KLHL7: variants seen among roughly 807,000 people sequenced by gnomAD.
KLHL7 encodes the protein kelch like family member 7.
A neutral mutation model predicts 67.4 loss-of-function variants in KLHL7; 44 were observed. The ratio of observed to expected loss-of-function variants is 0.65; its 90% confidence interval spans 0.51 to 0.84. The LOEUF is 0.84. Among genes scored for constraint, KLHL7 ranks in the 40% least tolerant of loss-of-function variants. The pLI is 0.00. For synonymous variants in KLHL7, 252 were observed against 243.3 expected (o/e 1.04, Z -0.33); for missense variants, 362 against 718.1 (o/e 0.50, Z 5.67).
chr7:23,149,155 A>C (rs1414870128), intron 6 of KLHL7, among the ~76,000 whole-genome samples: 1 of 152,252 alleles, frequency 6.6e-6, no homozygotes, highest in Non-Finnish European at 1.5e-5. Context: ...AAGCCACCAC[A>C]AAGGGCCAGG....
At chr7:23,172,203 G>C in intron 9 of KLHL7, 1 of 456,164 alleles carries the variant, frequency 2.2e-6, no homozygotes, top group South Asian at 1.6e-5. Context: ...GTATGCAGAA[G>C]AATGTATTAA....
At chr7:23,163,763 C>A (rs886418796) in intron 7 of KLHL7, among the ~76,000 whole-genome samples, 8 of 152,156 alleles carry the variant, frequency 5.3e-5, no homozygotes, top group African/African-American at 9.7e-5. Context: ...AGAGATATAT[C>A]AAAATTTAAG....
chr7:23,142,606 T>C (rs1191047928), intron 5 of KLHL7, among the ~76,000 whole-genome samples: 2 of 152,188 alleles, frequency 1.3e-5, no homozygotes, highest in Non-Finnish European at 2.9e-5. Flanking sequence ...GTCATGTTGA[T>C]AGTATGCACA....
intron 7 of KLHL7, among the ~76,000 whole-genome samples, chr7:23,161,914 C>T (rs1784864302): frequency 6.6e-6 from 1 of 152,200 alleles, no homozygotes; most frequent in Non-Finnish European, 1.5e-5. Flanking sequence ...GAGAAAAACT[C>T]ATTTTCACAA....
intron 1 of KLHL7, among the ~76,000 whole-genome samples, chr7:23,120,155 G>C (rs1454595364): frequency 6.6e-6 from 1 of 151,854 alleles, no homozygotes; most frequent in Non-Finnish European, 1.5e-5. Flanking sequence ...GACCACAAAT[G>C]CGTGCCACCA....
At chr7:23,167,740 ATTCT>A (rs771131933) in intron 8 of KLHL7, 92 bp from the exon 9 acceptor site, 2 of 1,125,172 alleles carry the variant, frequency 1.8e-6, no homozygotes, top group Non-Finnish European at 2.7e-6. Context: ...ATGACCCTAA[ATTCT>A]TCCTTCCTTA....
intron 1 of KLHL7, among the ~76,000 whole-genome samples, chr7:23,121,899 G>C (rs1016828170): frequency 6.6e-6 from 1 of 151,964 alleles, no homozygotes; most frequent in Non-Finnish European, 1.5e-5. Flanking sequence ...AGCCAGGATG[G>C]TCTCAATCTG....
intron 7 of KLHL7, among the ~76,000 whole-genome samples, chr7:23,159,880 G>T (rs1784812077): frequency 6.6e-6 from 1 of 152,082 alleles, no homozygotes; most frequent in Non-Finnish European, 1.5e-5. Context: ...AATCTTCTCA[G>T]GATTTGTGTG....
At chr7:23,133,066 G>A (rs1429909720) in intron 4 of KLHL7, among the ~76,000 whole-genome samples, 2 of 152,092 alleles carry the variant, frequency 1.3e-5, no homozygotes, top group Admixed American at 1.3e-4. Context: ...ATTTGAAGTT[G>A]GGTAATGTGA....
intron 4 of KLHL7, among the ~76,000 whole-genome samples, chr7:23,126,700 C>G (rs972354515): frequency 6.6e-6 from 1 of 152,000 alleles, no homozygotes; most frequent in Non-Finnish European, 1.5e-5. Flanking sequence ...ACTGTGAGCA[C>G]AGAGAGAGAG....
At chr7:23,143,457 G>T (rs1163226221) in intron 5 of KLHL7, among the ~76,000 whole-genome samples, 3 of 152,128 alleles carry the variant, frequency 2.0e-5, no homozygotes, top group African/African-American at 7.2e-5. Flanking sequence ...TCCTGGAATG[G>T]ACGGCCTCTT....
intron 6 of KLHL7, among the ~76,000 whole-genome samples, chr7:23,148,395 T>TAAAA (rs74274528): frequency 7.1e-5 from 7 of 99,060 alleles, no homozygotes; most frequent in African/African-American, 3.9e-4. Context: ...ACAAGAAAAT[T>TAAAA]AAAAAAAAAA....
At chr7:23,154,708 C>T (rs1359593098) in intron 7 of KLHL7, among the ~76,000 whole-genome samples, 3 of 152,154 alleles carry the variant, frequency 2.0e-5, no homozygotes. Context: ...CAGACCATGA[C>T]ATTTAAAAAT....
In KLHL7 at chr7:23,165,944, G is replaced by T. The variant is rs754788496; in HGVS notation, c.1177+6G>T. ...ATCTGGAGGTTCAGAAGTAGGTAAG[G>T]ACTTCTTAAGTATTTTGGTTTGGGG... is the stretch of plus-strand genomic sequence containing the variant. On this transcript the variant is annotated splice_donor_region_variant and intron_variant, in intron 8 of 10. Transcript: ENST00000339077. 6.2e-7 allele frequency: 1 copy of T among 1,613,792 alleles called. No individual in the cohort carries two copies. Among genetic ancestry groups the T allele is most frequent in the Admixed American group, 1.7e-5 (1 of 60,026 alleles).
At chr7:23,138,236 G>A (rs948208297) in intron 4 of KLHL7, among the ~76,000 whole-genome samples, 4 of 151,018 alleles carry the variant, frequency 2.6e-5, no homozygotes, top group Admixed American at 2.6e-4. Flanking sequence ...GGCCAAGGCG[G>A]GTGGATCATG....
chr7:23,127,505 G>T (rs769070798), intron 4 of KLHL7, among the ~76,000 whole-genome samples: 1 of 152,156 alleles, frequency 6.6e-6, no homozygotes. Flanking sequence ...CTTGAGCATG[G>T]CTCTCAATGT....
intron 4 of KLHL7, among the ~76,000 whole-genome samples, chr7:23,128,791 C>T (rs1246302581): frequency 6.6e-6 from 1 of 152,148 alleles, no homozygotes; most frequent in Non-Finnish European, 1.5e-5. Flanking sequence ...CTGCTTTCTG[C>T]CCCTATAAAT....
intron 6 of KLHL7, among the ~76,000 whole-genome samples, 157 bp downstream of exon 6, chr7:23,144,182 C>T (rs954059122): frequency 2.0e-5 from 3 of 152,204 alleles, no homozygotes; most frequent in Admixed American, 6.5e-5. Flanking sequence ...AACTGTACAC[C>T]TGGAAGGGAC....
At chr7:23,114,913 TCTGA>T (rs933433192) in intron 1 of KLHL7, among the ~76,000 whole-genome samples, 1 of 152,210 alleles carries the variant, frequency 6.6e-6, no homozygotes, top group Non-Finnish European at 1.5e-5. Flanking sequence ...ATCTCCCAAA[TCTGA>T]CTGTTATGAG....
Sources: gnomAD v4.1 joint callset for allele counts (sites outside exome capture counted in the v4.1 genomes callset) on GRCh38, gnomAD v4.1.1 for gene constraint, MANE v1.5 for transcripts, NCBI Gene and HGNC (gene_info 2026-07-23, HGNC 2026-07-21) for gene names.